Variants in DAB1 observed in about 807,000 individuals in gnomAD.
The protein encoded by DAB1 is disabled homolog 1.
In DAB1, 15 loss-of-function variants were observed where a neutral mutation model predicts 64.6. The observed-to-expected ratio is 0.23, with a 90% CI of 0.16 to 0.36. The LOEUF is 0.36. DAB1 is among the 10% of genes least tolerant of loss of function. The probability of loss-of-function intolerance (pLI) is 1.00; values close to 1 mark genes in which losing one functional copy is unlikely to be tolerated. For missense variants in DAB1, 596 were observed against 706.7 expected (o/e 0.84, Z 1.78); for synonymous variants, 235 against 251.9 (o/e 0.93, Z 0.64).
chr1:57,981,568 C>T (rs1285713772), intron 5 of DAB1, among the ~76,000 whole-genome samples: 4 of 152,154 alleles, frequency 2.6e-5, no homozygotes, highest in African/African-American at 9.7e-5. Flanking sequence ...AGTTATGCCT[C>T]AGTGATAAGA....
intron 1 of DAB1, among the ~76,000 whole-genome samples, chr1:57,298,403 A>G (rs1673372786): frequency 6.6e-6 from 1 of 152,212 alleles, no homozygotes; most frequent in South Asian, 2.1e-4. Context: ...ATCATCATCT[A>G]CTTTACCAAA....
At chr1:57,705,871 A>AC (rs1557434097) in intron 6 of DAB1, among the ~76,000 whole-genome samples, 1 of 88,150 alleles carries the variant, frequency 1.1e-5, no homozygotes, top group Non-Finnish European at 2.2e-5. Context: ...ATACAATACT[A>AC]GGGTTTTTTT....
chr1:58,209,965 G>A (rs1658471565), intron 4 of DAB1, among the ~76,000 whole-genome samples: 1 of 152,112 alleles, frequency 6.6e-6, no homozygotes, highest in Non-Finnish European at 1.5e-5. Flanking sequence ...AAAGTCATTT[G>A]AAGCCTTTAC....
At chr1:58,184,917 C>A (rs533698037) in intron 4 of DAB1, among the ~76,000 whole-genome samples, 1 of 152,226 alleles carries the variant, frequency 6.6e-6, no homozygotes, top group Admixed American at 6.5e-5. Flanking sequence ...ATTGATATGG[C>A]TGAATATGTG....
chr1:58,477,104 G>C (rs1557432723), intron 3 of DAB1, among the ~76,000 whole-genome samples: 1 of 152,170 alleles, frequency 6.6e-6, no homozygotes, highest in African/African-American at 2.4e-5. Flanking sequence ...CCATTTACTT[G>C]AATGCATACT....
At chr1:57,810,888 G>T (rs765100396) in intron 6 of DAB1, among the ~76,000 whole-genome samples, 9 of 152,210 alleles carry the variant, frequency 5.9e-5, no homozygotes, top group Non-Finnish European at 1.0e-4. Context: ...TCTGAACTGA[G>T]TCTTACAGGG....
chr1:58,015,618 T>A (rs1174343140), intron 5 of DAB1, among the ~76,000 whole-genome samples: 1 of 152,220 alleles, frequency 6.6e-6, no homozygotes, highest in Non-Finnish European at 1.5e-5. Flanking sequence ...GTTCCCAACA[T>A]CTATGCCTCT....
intron 4 of DAB1, among the ~76,000 whole-genome samples, chr1:58,151,819 C>T (rs1193164067): frequency 1.3e-5 from 2 of 152,134 alleles, no homozygotes; most frequent in Non-Finnish European, 2.9e-5. Flanking sequence ...AGTAAATACA[C>T]ATTTTGATAT....
intron 1 of DAB1, among the ~76,000 whole-genome samples, chr1:57,298,973 C>T (rs1478138413): frequency 6.6e-6 from 1 of 152,144 alleles, no homozygotes; most frequent in Admixed American, 6.5e-5. Context: ...ACCGTGGTAT[C>T]ACAAATGTCA....
chr1:58,450,983 C>T (rs931097726), intron 3 of DAB1, among the ~76,000 whole-genome samples: 2 of 152,170 alleles, frequency 1.3e-5, no homozygotes, highest in Non-Finnish European at 2.9e-5. Flanking sequence ...CCGGTACTCA[C>T]CAAAATTGCC....
At chr1:57,559,672 C>G (rs1269150214) in intron 7 of DAB1, among the ~76,000 whole-genome samples, 2 of 152,128 alleles carry the variant, frequency 1.3e-5, no homozygotes, top group Non-Finnish European at 2.9e-5. Context: ...CGGACTCATC[C>G]TGTAGTCATT....
intron 5 of DAB1, among the ~76,000 whole-genome samples, chr1:57,961,190 C>A (rs1425983978): frequency 6.6e-6 from 1 of 152,114 alleles, no homozygotes; most frequent in Non-Finnish European, 1.5e-5. Flanking sequence ...ACCGTGTATA[C>A]ACTTATTTAG....
At chr1:57,570,188 A>T (rs889791975) in intron 7 of DAB1, among the ~76,000 whole-genome samples, 2 of 152,142 alleles carry the variant, frequency 1.3e-5, no homozygotes, top group Non-Finnish European at 1.5e-5. Flanking sequence ...CGAAGCTAGA[A>T]TATAAGCAGA....
At chr1:58,429,909 G>A (rs1484072244) in intron 3 of DAB1, among the ~76,000 whole-genome samples, 4 of 152,210 alleles carry the variant, frequency 2.6e-5, no homozygotes, top group Non-Finnish European at 5.9e-5. Flanking sequence ...CAAGGTGCTT[G>A]CAAATTTGGT....
chr1:58,070,575 T>A (rs1006625801), intron 5 of DAB1, among the ~76,000 whole-genome samples: 7 of 152,210 alleles, frequency 4.6e-5, no homozygotes, highest in Non-Finnish European at 1.0e-4. Context: ...TCTAGAAATA[T>A]TCCTCTGCTG....
At chr1:57,325,037 C>A (rs1676041362) in intron 1 of DAB1, among the ~76,000 whole-genome samples, 1 of 152,226 alleles carries the variant, frequency 6.6e-6, no homozygotes, top group Admixed American at 6.5e-5. Flanking sequence ...TCCAAATAAG[C>A]CACATGTATC....
chr1:58,502,426 T>C (rs187735643), intron 3 of DAB1, among the ~76,000 whole-genome samples: 1 of 152,330 alleles, frequency 6.6e-6, no homozygotes, highest in African/African-American at 2.4e-5. Flanking sequence ...CAACTATCAC[T>C]TCTTTTTAGA....
chr1:57,132,568 T>C (rs1030574857), intron 4 of DAB1, among the ~76,000 whole-genome samples: 11 of 152,182 alleles, frequency 7.2e-5, no homozygotes, highest in Admixed American at 2.0e-4. Context: ...GAAATGCTCA[T>C]TGGAGCATTT....
intron 6 of DAB1, among the ~76,000 whole-genome samples, chr1:57,752,233 G>A (rs1648590546): frequency 6.6e-6 from 1 of 152,156 alleles, no homozygotes; most frequent in African/African-American, 2.4e-5. Flanking sequence ...AGTTATCCTT[G>A]CTTTCATTTT....
Sources: allele counts gnomAD v4.1 joint callset (sites outside exome capture counted in the v4.1 genomes callset), GRCh38; gene constraint gnomAD v4.1.1; transcripts MANE v1.5; gene names NCBI Gene and HGNC (gene_info 2026-07-23, HGNC 2026-07-21).